The following MGMT variants were observed in gnomAD, a reference collection of about 807,000 sequenced individuals.
The protein encoded by MGMT is methylated-DNA--protein-cysteine methyltransferase.
A neutral mutation model predicts 15.9 loss-of-function variants in MGMT; 14 were observed. The observed-to-expected ratio is 0.88, with a 90% CI of 0.58 to 1.37. The LOEUF is 1.37. Ranked by LOEUF, MGMT falls within the 40% of genes most tolerant of loss-of-function variation. The pLI is 0.00. For missense variants in MGMT, 282 were observed against 268.1 expected (o/e 1.05, Z -0.36); for synonymous variants, 130 against 118.2 (o/e 1.10, Z -0.65).
At chr10:129,608,128 A>G (rs573065267) in intron 2 of MGMT, among the ~76,000 whole-genome samples, 1 of 152,364 alleles carries the variant, frequency 6.6e-6, no homozygotes, top group African/African-American at 2.4e-5. Flanking sequence ...GGTATAGTAC[A>G]TGTTTATAAT....
chr10:129,729,437 C>T (rs993136493), intron 3 of MGMT, among the ~76,000 whole-genome samples: 2 of 152,190 alleles, frequency 1.3e-5, no homozygotes, highest in Non-Finnish European at 2.9e-5. Flanking sequence ...TCCTGCCGAG[C>T]TGCCAGCCTC....
chr10:129,558,146 C>A (rs1297311289), intron 2 of MGMT, among the ~76,000 whole-genome samples: 2 of 152,134 alleles, frequency 1.3e-5, no homozygotes, highest in Admixed American at 1.3e-4. Context: ...CGGGGTATTT[C>A]CAGTACTTGC....
At chr10:129,506,304 C>T (rs1046809262) in intron 1 of MGMT, among the ~76,000 whole-genome samples, 4 of 152,142 alleles carry the variant, frequency 2.6e-5, no homozygotes, top group Non-Finnish European at 5.9e-5. Flanking sequence ...TGGCCCCACC[C>T]CGGATTTCCC....
intron 1 of MGMT, among the ~76,000 whole-genome samples, chr10:129,513,857 A>G (rs1845710151): frequency 6.6e-6 from 1 of 152,240 alleles, no homozygotes; most frequent in African/African-American, 2.4e-5. Flanking sequence ...GTGTGCAGTA[A>G]GTCCTGTGGG....
At chr10:129,564,787 C>G (rs1846334590) in intron 2 of MGMT, among the ~76,000 whole-genome samples, 1 of 151,330 alleles carries the variant, frequency 6.6e-6, no homozygotes, top group Non-Finnish European at 1.5e-5. Context: ...TCACACGCCC[C>G]CCTCAGCCTC....
chr10:129,485,853 C>G (rs1343976738), intron 1 of MGMT, among the ~76,000 whole-genome samples: 5 of 152,172 alleles, frequency 3.3e-5, no homozygotes, highest in Non-Finnish European at 7.3e-5. Context: ...TGAGATTGCT[C>G]AGATTACACA....
At chr10:129,684,389 C>T (rs4145857) in intron 2 of MGMT, among the ~76,000 whole-genome samples, 43,102 of 152,078 alleles carry the variant, frequency 0.28, 6,414 homozygotes, top group East Asian at 0.56. Flanking sequence ...CATCCCAGCA[C>T]GTGGTAGTCA....
chr10:129,515,067 C>T (rs1845723962), intron 1 of MGMT, among the ~76,000 whole-genome samples: 1 of 152,180 alleles, frequency 6.6e-6, no homozygotes, highest in Non-Finnish European at 1.5e-5. Flanking sequence ...GGGGTCTGCC[C>T]CTTCTCCGCT....
intron 1 of MGMT, among the ~76,000 whole-genome samples, chr10:129,483,903 T>C (rs1017843686): frequency 3.3e-5 from 5 of 152,156 alleles, no homozygotes; most frequent in African/African-American, 1.2e-4. Context: ...TAGATAGATA[T>C]AGATATAGAT....
chr10:129,737,411 C>A (rs1848576374), intron 3 of MGMT, among the ~76,000 whole-genome samples: 1 of 152,132 alleles, frequency 6.6e-6, no homozygotes, highest in Admixed American at 6.5e-5. Context: ...CCATCAGCTC[C>A]TTTAAGCACT....
At chr10:129,594,252 G>C (rs1001264718) in intron 2 of MGMT, among the ~76,000 whole-genome samples, 6 of 152,166 alleles carry the variant, frequency 3.9e-5, no homozygotes, top group African/African-American at 1.4e-4. Flanking sequence ...AGAAGTCTGA[G>C]GGGTCCTCAG....
chr10:129,649,412 G>A (rs1381382976), intron 2 of MGMT, among the ~76,000 whole-genome samples: 2 of 152,162 alleles, frequency 1.3e-5, no homozygotes, highest in Non-Finnish European at 2.9e-5. Flanking sequence ...TAAAATCAAG[G>A]GTTGGGCAGT....
intron 2 of MGMT, among the ~76,000 whole-genome samples, chr10:129,658,155 G>A (rs973749719): frequency 6.6e-6 from 1 of 152,102 alleles, no homozygotes; most frequent in Non-Finnish European, 1.5e-5. Flanking sequence ...TGAATCCCAA[G>A]TAAGGAACTA....
At chr10:129,523,267 G>A (rs1845832821) in intron 1 of MGMT, among the ~76,000 whole-genome samples, 1 of 152,254 alleles carries the variant, frequency 6.6e-6, no homozygotes, top group Admixed American at 6.5e-5. Context: ...CGCCATCCTG[G>A]CCAGGCCACA....
intron 1 of MGMT, among the ~76,000 whole-genome samples, chr10:129,481,973 T>G (rs1398294191): frequency 2.6e-5 from 4 of 152,208 alleles, no homozygotes; most frequent in African/African-American, 9.6e-5. Context: ...TTCTTTTTTG[T>G]AGTTTCTTAG....
At position 129,707,951 on chromosome 10, in the gene MGMT, A is replaced by G. The variant is rs1047413258; in HGVS notation, c.182A>G (p.Gln61Arg). The G allele has an allele frequency of 2.8e-5, 45 of 1,613,196 alleles. No individual in the cohort carries two copies. The highest frequency in any genetic ancestry group is 3.6e-5 in the Non-Finnish European group (43 of 1,180,030). Reference sequence around the variant, plus strand: ...CTCGGAGGTCCGGAGCCCCTGATGCAGTGCACAGCCTGGCTGAATGCCTAT... The same window carrying G: ...CTCGGAGGTCCGGAGCCCCTGATGCGGTGCACAGCCTGGCTGAATGCCTAT... Reference protein sequence around the residue: ...AVLGGPEPLMQCTAWLNAYFH... With the variant: ...AVLGGPEPLMRCTAWLNAYFH... The change falls in exon 3 of 5, where the codon CAG becomes CGG. Residue 61 changes from glutamine (Q) to arginine (R), a missense_variant. Transcript: ENST00000651593.
rs1353602110 is a variant in MGMT, at chr10:129,745,811, G to C, written c.275-13391G>C. On this transcript the variant is annotated intron_variant, in intron 3 of 4. Transcript: ENST00000651593. ...GCCTTTTTTTTAAGTTAGGTGGTTT[G>C]TTGAGTTTCAGTTTGGAACTGTTGA... Among the ~76,000 whole-genome samples the C allele has an allele frequency of 3.9e-5, 6 of 152,000 alleles. 1 individual carries two copies. The highest frequency in any genetic ancestry group is 1.2e-4 in the African/African-American group (5 of 41,372).
chr10:129,648,741 C>A (rs995741913), intron 2 of MGMT, among the ~76,000 whole-genome samples: 8 of 152,070 alleles, frequency 5.3e-5, no homozygotes, highest in African/African-American at 1.9e-4. Context: ...GATTTGGAAT[C>A]TTTTATCTTT....
At chr10:129,515,572 C>T (rs565333073) in intron 1 of MGMT, among the ~76,000 whole-genome samples, 6 of 152,282 alleles carry the variant, frequency 3.9e-5, no homozygotes, top group African/African-American at 1.4e-4. Context: ...GAGTGTATTG[C>T]GGATATTTAT....
Sources: allele counts gnomAD v4.1 joint callset (sites outside exome capture counted in the v4.1 genomes callset), GRCh38; gene constraint gnomAD v4.1.1; transcripts MANE v1.5; gene names NCBI Gene and HGNC (gene_info 2026-07-23, HGNC 2026-07-21).